Variants in ZFHX3 observed in about 807,000 individuals in gnomAD.
The protein encoded by ZFHX3 is zinc finger homeobox 3.
A neutral mutation model predicts 279.1 loss-of-function variants in ZFHX3; 42 were observed. That is an observed-to-expected ratio of 0.15 (90% CI 0.12 to 0.19). The LOEUF is 0.19. Ranked by LOEUF, ZFHX3 falls within the 10% of genes least tolerant of loss-of-function variation. The pLI, the probability that ZFHX3 is intolerant of heterozygous loss-of-function variation, is 1.00. For missense variants in ZFHX3, 4,981 were observed against 4,754.0 expected, an observed-to-expected ratio of 1.05 and a Z score of -1.40; for synonymous variants, 2,293 against 1,957.8, an observed-to-expected ratio of 1.17 and a Z score of -4.52.
intron 8 of ZFHX3, among the ~76,000 whole-genome samples, chr16:73,085,985 CAAAA>C (rs57128744): frequency 8.9e-4 from 48 of 54,216 alleles, no homozygotes; most frequent in African/African-American, 2.1e-3. Flanking sequence ...AACTCAATTG[CAAAA>C]AAAAAAAAAA....
In ZFHX3 at chr16:73,099,164, G is replaced by A. The variant is rs534020933; in HGVS notation, c.-896-5566C>T. ...TGAATGGTTAATAGGGTCAGTCTAAGTACACTTCCTGAAATAATCTCTTGG... is the reference window on the plus strand; with the variant it reads ...TGAATGGTTAATAGGGTCAGTCTAAATACACTTCCTGAAATAATCTCTTGG... On this transcript the variant is annotated intron_variant, in intron 7 of 17. Coordinates refer to the ZFHX3 transcript ENST00000641206. 3 of 152,312 alleles carry A rather than the reference G, an allele frequency of 2.0e-5. No individual in the cohort carries two copies. The East Asian group carries it at 5.8e-4, about 29-fold the overall frequency. The allele number at this position is 152,312 out of a possible 1,614,324, so 9.4% of individuals were successfully genotyped here.
intron 5 of ZFHX3, among the ~76,000 whole-genome samples, chr16:73,250,364 G>A (rs867116519): frequency 4.6e-5 from 7 of 152,230 alleles, no homozygotes; most frequent in South Asian, 2.1e-4. Flanking sequence ...TATTCTAGCC[G>A]TTCAGTTTTT....
chr16:73,300,788 G>A (rs576887797), intron 4 of ZFHX3, among the ~76,000 whole-genome samples: 132 of 152,328 alleles, frequency 8.7e-4, no homozygotes, highest in African/African-American at 2.9e-3. Context: ...ACAGGCATGA[G>A]CCACCATGCC....
chr16:73,769,354 G>A (rs575160037), intron 1 of ZFHX3, among the ~76,000 whole-genome samples: 3 of 152,190 alleles, frequency 2.0e-5, no homozygotes, highest in East Asian at 1.9e-4. Context: ...GGCCCCTAAC[G>A]AGCTCTTTCA....
intron 1 of ZFHX3, among the ~76,000 whole-genome samples, chr16:73,873,909 A>T (rs1050532669): frequency 6.6e-6 from 1 of 152,106 alleles, no homozygotes; most frequent in Non-Finnish European, 1.5e-5. Context: ...AAAAGCTCCA[A>T]ATTTGCAGCA....
chr16:73,441,008 C>T (rs2018083998), intron 3 of ZFHX3, among the ~76,000 whole-genome samples: 1 of 152,052 alleles, frequency 6.6e-6, no homozygotes, highest in African/African-American at 2.4e-5. Flanking sequence ...AGCTTGCTGT[C>T]TGATTTCTGT....
At chr16:73,173,352 G>A (rs969186283) in intron 5 of ZFHX3, among the ~76,000 whole-genome samples, 1 of 151,962 alleles carries the variant, frequency 6.6e-6, no homozygotes, top group Admixed American at 6.6e-5. Flanking sequence ...AATTGCATTA[G>A]CAGGTATTTT....
intron 2 of ZFHX3, among the ~76,000 whole-genome samples, chr16:73,624,914 C>T (rs1232508964): frequency 1.3e-5 from 2 of 152,202 alleles, no homozygotes; most frequent in African/African-American, 4.8e-5. Context: ...GACAGATGTG[C>T]TATAGTAATG....
chr16:72,858,365 AT>A (rs2037803531), intron 4 of ZFHX3, among the ~76,000 whole-genome samples: 1 of 152,230 alleles, frequency 6.6e-6, no homozygotes, highest in Non-Finnish European at 1.5e-5. Context: ...TTGTGAACAC[AT>A]TACTTGGCAG....
chr16:72,825,398 T>A (rs1278195595), intron 5 of ZFHX3, among the ~76,000 whole-genome samples: 1 of 152,254 alleles, frequency 6.6e-6, no homozygotes, highest in Non-Finnish European at 1.5e-5. Context: ...AAAATGATCC[T>A]TCTCTGAGAG....
At chr16:73,024,954 C>T (rs1469954832) in intron 1 of ZFHX3, among the ~76,000 whole-genome samples, 1 of 152,198 alleles carries the variant, frequency 6.6e-6, no homozygotes, top group South Asian at 2.1e-4. Context: ...ACCCCTCGGC[C>T]TTGACTGCCC....
chr16:73,109,112 A>G (rs908618950), intron 7 of ZFHX3, among the ~76,000 whole-genome samples: 12 of 152,228 alleles, frequency 7.9e-5, no homozygotes, highest in Admixed American at 7.2e-4. Flanking sequence ...GTCTTTCCGC[A>G]GGACTAGAGG....
chr16:73,743,337 T>C (rs763199199), intron 1 of ZFHX3, among the ~76,000 whole-genome samples: 1 of 152,236 alleles, frequency 6.6e-6, no homozygotes, highest in Non-Finnish European at 1.5e-5. Flanking sequence ...CACTTTGGGA[T>C]GTGTGTAAAT....
chr16:73,642,098 C>T lies in ZFHX3; in HGVS notation c.-1547+38082G>A, dbSNP rs1016995589. ...AAAGAGGGAAGGTGGTCCGTGGCCT[C>T]GAGGACATCAGGTCACATTGGTTCA... On this transcript the variant is annotated intron_variant, in intron 2 of 17. Coordinates refer to the ZFHX3 transcript ENST00000641206. Among the ~76,000 whole-genome samples, 8 of 152,112 alleles carry T rather than the reference C, an allele frequency of 5.3e-5. No homozygotes were observed. In the East Asian group the frequency reaches 1.5e-3, roughly 29 times the overall value.
At chr16:72,944,302 A>T (rs974052678) in intron 3 of ZFHX3, among the ~76,000 whole-genome samples, 1 of 152,200 alleles carries the variant, frequency 6.6e-6, no homozygotes, top group African/African-American at 2.4e-5. Flanking sequence ...AAAATAAAGC[A>T]AAATTGAAAC....
chr16:73,568,162 G>A (rs1042207779), intron 2 of ZFHX3, among the ~76,000 whole-genome samples: 3 of 152,122 alleles, frequency 2.0e-5, no homozygotes, highest in Non-Finnish European at 4.4e-5. Context: ...TTGTTTTTAA[G>A]TTACTAAATT....
intron 2 of ZFHX3, among the ~76,000 whole-genome samples, chr16:73,543,476 C>T (rs1288314615): frequency 1.3e-5 from 2 of 152,100 alleles, no homozygotes; most frequent in African/African-American, 4.8e-5. Flanking sequence ...GAGGCACCGG[C>T]AGGGCCTGGC....
chr16:73,087,859 C>T lies in ZFHX3; in HGVS notation c.-533+5376G>A, dbSNP rs554549710. ...TTTTTTTTTCTGAGATGGAGTCTCG[C>T]TCTTGTCATCCAGGCTGGAGTGCAG... On this transcript the variant is annotated intron_variant, in intron 8 of 17. Coordinates refer to the ZFHX3 transcript ENST00000641206. Among the ~76,000 whole-genome samples, 6 of 151,574 alleles carry T rather than the reference C, an allele frequency of 4.0e-5. No individual in the cohort carries two copies. In the South Asian group the frequency reaches 1.3e-3, roughly 32 times the overall value.
At chr16:73,879,947 C>CA (rs2030089592) in intron 1 of ZFHX3, among the ~76,000 whole-genome samples, 1 of 152,100 alleles carries the variant, frequency 6.6e-6, no homozygotes, top group East Asian at 1.9e-4. Flanking sequence ...ATCCTAATTT[C>CA]AATTTTATAT....
Sources: allele counts gnomAD v4.1 joint callset (sites outside exome capture counted in the v4.1 genomes callset), GRCh38; gene constraint gnomAD v4.1.1; transcripts MANE v1.5; gene names NCBI Gene and HGNC (gene_info 2026-07-23, HGNC 2026-07-21).